Variants in CARMIL1 observed in about 807,000 individuals in gnomAD.
CARMIL1 encodes capping protein regulator and myosin 1 linker 1, also known as F-actin-uncapping protein LRRC16A.
A neutral mutation model predicts 177.1 loss-of-function variants in CARMIL1; 90 were observed. That is an observed-to-expected ratio of 0.51 (90% CI 0.43 to 0.61). The LOEUF is 0.61. Among genes scored for constraint, CARMIL1 ranks in the 20% least tolerant of loss-of-function variants. The probability of loss-of-function intolerance (pLI) is 0.00; values close to 1 mark genes in which losing one functional copy is unlikely to be tolerated. For synonymous variants in CARMIL1, 577 were observed against 606.2 expected, an observed-to-expected ratio of 0.95 and a Z score of 0.71; for missense variants, 1,380 against 1,667.0, an observed-to-expected ratio of 0.83 and a Z score of 3.00.
At chr6:25,483,068 A>C (rs886604930) in intron 12 of CARMIL1, among the ~76,000 whole-genome samples, 1 of 152,182 alleles carries the variant, frequency 6.6e-6, no homozygotes, top group Non-Finnish European at 1.5e-5. Flanking sequence ...GCCATACAGA[A>C]TCAATGAGTG....
At chr6:25,489,119 T>G (rs907930172) in intron 13 of CARMIL1, among the ~76,000 whole-genome samples, 1 of 152,052 alleles carries the variant, frequency 6.6e-6, no homozygotes, top group Non-Finnish European at 1.5e-5. Flanking sequence ...GAGCCGAGAT[T>G]ACACCACTGC....
At chr6:25,479,254 C>T (rs751835016) in intron 11 of CARMIL1, 2 of 518,710 alleles carry the variant, frequency 3.9e-6, no homozygotes, top group South Asian at 2.8e-5. Flanking sequence ...ATGAGCTTTG[C>T]CTGTTCTTTG....
chr6:25,344,376 T>C (rs2150336443), intron 2 of CARMIL1, among the ~76,000 whole-genome samples: 1 of 152,288 alleles, frequency 6.6e-6, no homozygotes, highest in African/African-American at 2.4e-5. Flanking sequence ...TACCATGGCA[T>C]AGATCCTTAT....
intron 9 of CARMIL1, among the ~76,000 whole-genome samples, chr6:25,468,532 T>C (rs1265091587): frequency 6.6e-6 from 1 of 152,246 alleles, no homozygotes; most frequent in Non-Finnish European, 1.5e-5. Context: ...TGTATCCAGT[T>C]TTTAAAAAAT....
At chr6:25,597,923 C>A (rs1330561565) in intron 32 of CARMIL1, among the ~76,000 whole-genome samples, 1 of 152,172 alleles carries the variant, frequency 6.6e-6, no homozygotes, top group Non-Finnish European at 1.5e-5. Context: ...TAGCTTTCCT[C>A]CATTATCTTC....
At chr6:25,564,409 G>A (rs769764672) in intron 29 of CARMIL1, among the ~76,000 whole-genome samples, 3 of 152,174 alleles carry the variant, frequency 2.0e-5, no homozygotes, top group Admixed American at 6.5e-5. Context: ...GAGTGCTTTT[G>A]CCTTATGTTG....
intron 2 of CARMIL1, among the ~76,000 whole-genome samples, chr6:25,319,965 A>G (rs149881210): frequency 2.0e-5 from 3 of 152,214 alleles, no homozygotes; most frequent in South Asian, 2.1e-4. Context: ...TACCCTGCCT[A>G]TGAAGAAAAC....
chr6:25,338,672 C>G (rs1366121145), intron 2 of CARMIL1, among the ~76,000 whole-genome samples: 1 of 151,922 alleles, frequency 6.6e-6, no homozygotes, highest in Non-Finnish European at 1.5e-5. Context: ...CTTTATAGAG[C>G]CAGCTCAGAA....
At position 25,492,019 on chromosome 6, in the gene CARMIL1, T is replaced by A; in HGVS notation, c.1215T>A (p.Ser405=). Residue 405 remains serine, a synonymous_variant, in exon 15 of 37, where the codon TCT becomes TCA. Transcript: ENST00000329474. ...AVLNLSRTVF[S]HRKGKEVPPS... ...TCAACCTCTCCAGAACTGTCTTCTCTCACCGGTATAGATTTATTTCTGCTC... is the reference window on the plus strand; with the variant it reads ...TCAACCTCTCCAGAACTGTCTTCTCACACCGGTATAGATTTATTTCTGCTC... 1 of 1,613,082 alleles carries A rather than the reference T, an allele frequency of 6.2e-7. No individual in the cohort carries two copies. Among genetic ancestry groups the A allele is most frequent in the East Asian group, 2.2e-5 (1 of 44,864 alleles).
At chr6:25,428,832 C>G (rs1484429959) in intron 4 of CARMIL1, among the ~76,000 whole-genome samples, 1 of 152,090 alleles carries the variant, frequency 6.6e-6, no homozygotes, top group East Asian at 1.9e-4. Context: ...TTGTCTCTTG[C>G]TGGTATTAGA....
At chr6:25,572,252 TAAC>T (rs1161865470) in intron 29 of CARMIL1, among the ~76,000 whole-genome samples, 1 of 152,250 alleles carries the variant, frequency 6.6e-6, no homozygotes, top group Non-Finnish European at 1.5e-5. Context: ...GACAAAATGT[TAAC>T]AATTGCTGAA....
At chr6:25,564,474 A>G (rs572138876) in intron 29 of CARMIL1, among the ~76,000 whole-genome samples, 1 of 152,316 alleles carries the variant, frequency 6.6e-6, no homozygotes, top group Non-Finnish European at 1.5e-5. Flanking sequence ...TTGTTACCAT[A>G]TGTACTCTTT....
rs763799271 is a variant in CARMIL1, at chr6:25,517,424, G to C, written c.1874+9G>C. The C allele has an allele frequency of 1.2e-6, 2 of 1,609,412 alleles. No homozygotes were observed. The highest frequency in any genetic ancestry group is 1.7e-6 in the Non-Finnish European group (2 of 1,176,676). ...GCTGTTGCTATGGAAAAGTAAGTTT[G>C]AATTAGGATTTCTTTCTAGGAAAAT... is the stretch of plus-strand genomic sequence containing the variant. On this transcript the variant is annotated intron_variant, in intron 22 of 36. Transcript: ENST00000329474.
intron 2 of CARMIL1, among the ~76,000 whole-genome samples, chr6:25,374,998 G>C (rs1052986547): frequency 6.6e-6 from 1 of 152,138 alleles, no homozygotes; most frequent in Non-Finnish European, 1.5e-5. Flanking sequence ...TTTAAATGGA[G>C]TATTTAATCT....
intron 36 of CARMIL1, among the ~76,000 whole-genome samples, chr6:25,613,949 C>T (rs1431665985): frequency 1.3e-5 from 2 of 152,110 alleles, no homozygotes; most frequent in African/African-American, 4.8e-5. Context: ...TGGGAGTGAC[C>T]TTATTATAGG....
chr6:25,310,082 T>A (rs1783665504), intron 2 of CARMIL1, among the ~76,000 whole-genome samples: 1 of 152,154 alleles, frequency 6.6e-6, no homozygotes, highest in Non-Finnish European at 1.5e-5. Flanking sequence ...CTTTTTTTAA[T>A]CTATTCCTTC....
At chr6:25,548,930 C>T (rs1809789677) in intron 26 of CARMIL1, among the ~76,000 whole-genome samples, 1 of 152,128 alleles carries the variant, frequency 6.6e-6, no homozygotes, top group African/African-American at 2.4e-5. Flanking sequence ...ACAGAGTTGT[C>T]ATGTGGATGA....
chr6:25,369,147 T>G (rs938661646), intron 2 of CARMIL1, among the ~76,000 whole-genome samples: 3 of 152,194 alleles, frequency 2.0e-5, no homozygotes, highest in Non-Finnish European at 4.4e-5. Flanking sequence ...ACAGGGCCTT[T>G]GTTAAAGACT....
intron 2 of CARMIL1, among the ~76,000 whole-genome samples, chr6:25,332,554 G>A (rs553249415): frequency 6.7e-4 from 102 of 152,268 alleles, no homozygotes; most frequent in Middle Eastern, 6.8e-3. Flanking sequence ...GATTAGGTAT[G>A]TGATACTGAC....
Sources: gnomAD v4.1 joint callset for allele counts (sites outside exome capture counted in the v4.1 genomes callset) on GRCh38, gnomAD v4.1.1 for gene constraint, MANE v1.5 for transcripts, NCBI Gene and HGNC (gene_info 2026-07-23, HGNC 2026-07-21) for gene names.